Variants in ATP10B observed in about 807,000 individuals in gnomAD.
ATP10B encodes the protein ATPase phospholipid transporting 10B (putative).
ATP10B carries 122 observed loss-of-function variants against 141.2 expected under a neutral mutation model. The ratio of observed to expected loss-of-function variants is 0.86; its 90% CI spans 0.75 to 1.00. The LOEUF is 1.00. ATP10B is among the 50% of genes least tolerant of loss of function. ATP10B has a pLI of 0.00. For missense variants in ATP10B, 1,876 were observed against 1,825.3 expected (o/e 1.03, Z -0.51); for synonymous variants, 685 against 692.0 (o/e 0.99, Z 0.16).
intron 1 of ATP10B, among the ~76,000 whole-genome samples, chr5:160,815,161 A>T (rs1308314510): frequency 6.6e-6 from 1 of 152,138 alleles, no homozygotes; most frequent in Non-Finnish European, 1.5e-5. Flanking sequence ...TAAATGGGCT[A>T]AAATGCTCCA....
chr5:160,676,138 G>T (rs1426735892), intron 6 of ATP10B, among the ~76,000 whole-genome samples: 1 of 152,146 alleles, frequency 6.6e-6, no homozygotes, highest in Non-Finnish European at 1.5e-5. Flanking sequence ...TTTATATTGG[G>T]AGGATGTTTG....
At chr5:160,919,095 G>A in the ATP10B span, among the ~76,000 whole-genome samples, 19 of 149,886 alleles carry the variant, frequency 1.3e-4, no homozygotes, top group Admixed American at 2.0e-4. Flanking sequence ...ATGGTGGCGC[G>A]CACCTGTAGT....
chr5:160,639,574 C>T (rs866944578), intron 10 of ATP10B, among the ~76,000 whole-genome samples: 27 of 152,054 alleles, frequency 1.8e-4, no homozygotes, highest in African/African-American at 4.8e-4. Flanking sequence ...CCACTAGAAA[C>T]GGAAAAAGAC....
At chr5:160,802,815 TGG>T (rs1256972192) in intron 1 of ATP10B, among the ~76,000 whole-genome samples, 21 of 152,268 alleles carry the variant, frequency 1.4e-4, no homozygotes, top group African/African-American at 5.1e-4. Context: ...AGAGTGTGTG[TGG>T]GGATGCTTTT....
intron 7 of ATP10B, among the ~76,000 whole-genome samples, chr5:160,662,315 C>G (rs1344866332): frequency 2.0e-5 from 3 of 152,058 alleles, no homozygotes; most frequent in African/African-American, 4.8e-5. Context: ...CATATGGAAC[C>G]AAAAAAGAGC....
At chr5:160,892,161 G>A in the ATP10B span, among the ~76,000 whole-genome samples, 1 of 152,140 alleles carries the variant, frequency 6.6e-6, no homozygotes, top group Admixed American at 6.5e-5. Context: ...ACCTTCCTAT[G>A]GCTTTTCATC....
chr5:160,663,295 A>G (rs936176804), intron 7 of ATP10B, among the ~76,000 whole-genome samples: 8 of 152,164 alleles, frequency 5.3e-5, no homozygotes, highest in African/African-American at 1.9e-4. Context: ...CTGGAAATAT[A>G]CCCAAAGGAT....
chr5:160,825,707 G>A (rs900892934), intron 1 of ATP10B, among the ~76,000 whole-genome samples: 17 of 152,072 alleles, frequency 1.1e-4, no homozygotes, highest in African/African-American at 3.4e-4. Context: ...TTTTAGATAC[G>A]GGGATACATG....
the ATP10B span, among the ~76,000 whole-genome samples, chr5:160,864,491 G>A: frequency 6.6e-6 from 1 of 151,974 alleles, no homozygotes; most frequent in African/African-American, 2.4e-5. Flanking sequence ...ATGAGGAAAA[G>A]TTGAAAGCAT....
chr5:160,626,390 G>C (rs569308934), intron 13 of ATP10B, among the ~76,000 whole-genome samples: 1 of 152,258 alleles, frequency 6.6e-6, no homozygotes, highest in Admixed American at 6.5e-5. Context: ...ACAAAGTCAG[G>C]CACTGGGCTA....
intron 22 of ATP10B, among the ~76,000 whole-genome samples, chr5:160,593,211 G>A (rs1756443734): frequency 6.6e-6 from 1 of 152,184 alleles, no homozygotes; most frequent in African/African-American, 2.4e-5. Context: ...GTACTTCTCT[G>A]AGACAAAACT....
In ATP10B at chr5:160,653,110, CAT is replaced by C. The variant is rs1240051941; in HGVS notation, c.676-3856_676-3855del. ...ATTATATATACACGTGTATATATAACATATACATGTATATATTATGTATACAT... is the reference window on the plus strand; with the variant it reads ...ATTATATATACACGTGTATATATAACATACATGTATATATTATGTATACAT... On this transcript the variant is annotated intron_variant, in intron 7 of 25. Transcript: ENST00000327245. Among the ~76,000 whole-genome samples the C allele has an allele frequency of 6.6e-5, 8 of 120,408 alleles. No individual in the cohort carries two copies. The South Asian group carries it at 1.2e-3, about 19-fold the overall frequency. 79.0% of individuals were successfully genotyped at this position (120,408 alleles called of 152,430 possible).
the ATP10B span, among the ~76,000 whole-genome samples, chr5:160,880,386 G>A: frequency 6.6e-6 from 1 of 151,834 alleles, no homozygotes; most frequent in Non-Finnish European, 1.5e-5. Flanking sequence ...TTGATCTATA[G>A]GTTCAATACA....
the ATP10B span, among the ~76,000 whole-genome samples, chr5:160,912,200 A>G: frequency 2.6e-5 from 4 of 152,148 alleles, no homozygotes; most frequent in African/African-American, 9.7e-5. Flanking sequence ...CAATTAGAAA[A>G]TTGGAATAAA....
At chr5:160,642,692 T>C (rs935088027) in intron 9 of ATP10B, among the ~76,000 whole-genome samples, 7 of 152,240 alleles carry the variant, frequency 4.6e-5, no homozygotes, top group African/African-American at 1.7e-4. Context: ...GTATCTTCTT[T>C]CTCATAGTTT....
chr5:160,829,741 C>T (rs73305831), intron 1 of ATP10B, among the ~76,000 whole-genome samples: 5,547 of 152,040 alleles, frequency 0.036, 111 homozygotes, highest in South Asian at 0.086. Context: ...TCATATTCTT[C>T]GACTCTTAGC....
intron 1 of ATP10B, among the ~76,000 whole-genome samples, chr5:160,839,151 A>AG (rs1775664064): frequency 6.6e-6 from 1 of 152,198 alleles, no homozygotes; most frequent in East Asian, 1.9e-4. Flanking sequence ...ATTCCTTTAT[A>AG]GTAAAGCAAA....
chr5:160,644,002 T>C (rs2127679675), intron 9 of ATP10B, 136 bp downstream of exon 9: 1 of 683,752 alleles, frequency 1.5e-6, no homozygotes, highest in East Asian at 2.8e-5. Context: ...TCCGTTTGCT[T>C]AGTTGAGAAA....
intron 7 of ATP10B, among the ~76,000 whole-genome samples, chr5:160,652,933 A>ATT (rs1554100576): frequency 1.5e-4 from 13 of 86,000 alleles, no homozygotes; most frequent in Non-Finnish European, 2.7e-4. Flanking sequence ...TATATTATAT[A>ATT]TACATGTATA....
Sources: gnomAD v4.1 joint callset for allele counts (sites outside exome capture counted in the v4.1 genomes callset) on GRCh38, gnomAD v4.1.1 for gene constraint, MANE v1.5 for transcripts, NCBI Gene and HGNC (gene_info 2026-07-23, HGNC 2026-07-21) for gene names.